Variants in ARHGEF28 observed in about 807,000 individuals in gnomAD.
ARHGEF28 encodes Rho guanine nucleotide exchange factor 28.
Under a neutral mutation model 206.6 loss-of-function variants are expected in ARHGEF28, and 152 were observed. The observed-to-expected ratio is 0.74, with a 90% CI of 0.64 to 0.84. The LOEUF is 0.84. ARHGEF28 is among the 40% of genes least tolerant of loss of function. The probability of loss-of-function intolerance (pLI) is 0.00; values close to 1 mark genes in which losing one functional copy is unlikely to be tolerated. For missense variants in ARHGEF28, 2,028 were observed against 2,073.2 expected (o/e 0.98, Z 0.42); for synonymous variants, 763 against 776.4 (o/e 0.98, Z 0.29).
intron 2 of ARHGEF28, among the ~76,000 whole-genome samples, chr5:73,745,074 T>C (rs1751649227): frequency 6.6e-6 from 1 of 152,076 alleles, no homozygotes; most frequent in Admixed American, 6.5e-5. Flanking sequence ...TTTTTCTAAT[T>C]GTCATAATTT....
chr5:73,682,635 C>T (rs1040997406), intron 1 of ARHGEF28, among the ~76,000 whole-genome samples: 1 of 152,200 alleles, frequency 6.6e-6, no homozygotes, highest in Non-Finnish European at 1.5e-5. Context: ...TGGTCTTGAA[C>T]TCCTGACCTG....
intron 11 of ARHGEF28, among the ~76,000 whole-genome samples, chr5:73,843,059 A>G (rs900441435): frequency 1.3e-4 from 20 of 152,160 alleles, no homozygotes; most frequent in African/African-American, 4.8e-4. Context: ...AGTTCTTTAG[A>G]AGTCTTCTAG....
chr5:73,705,127 A>G lies in ARHGEF28; in HGVS notation c.33+20243A>G, dbSNP rs1748857218. ...ACTTGTGTCCTGTGATCTCTTTTCT[A>G]TAGGTGGCAATTAACCCCTTGATTT... is the stretch of plus-strand genomic sequence containing the variant. On this transcript the variant is annotated intron_variant, in intron 2 of 35. Transcript: ENST00000513042. 2.0e-5 allele frequency among the ~76,000 whole-genome samples: 3 copies of G among 152,230 alleles called. No individual in the cohort carries two copies. In the South Asian group the frequency reaches 6.2e-4, roughly 31 times the overall value.
At chr5:73,830,950 C>T (rs977961177) in intron 9 of ARHGEF28, among the ~76,000 whole-genome samples, 2 of 152,048 alleles carry the variant, frequency 1.3e-5, no homozygotes, top group African/African-American at 4.8e-5. Flanking sequence ...AGAAAATTTA[C>T]GGGGATGTTA....
At chr5:73,818,496 T>C (rs962483069) in intron 9 of ARHGEF28, among the ~76,000 whole-genome samples, 1 of 152,154 alleles carries the variant, frequency 6.6e-6, no homozygotes, top group African/African-American at 2.4e-5. Flanking sequence ...CTGAATACCA[T>C]AGGATGAGTA....
At chr5:73,821,880 T>C (rs1756611684) in intron 9 of ARHGEF28, among the ~76,000 whole-genome samples, 1 of 152,106 alleles carries the variant, frequency 6.6e-6, no homozygotes, top group Non-Finnish European at 1.5e-5. Context: ...TCAAGAGTCC[T>C]TTTTCCAAAC....
intron 2 of ARHGEF28, among the ~76,000 whole-genome samples, chr5:73,729,943 T>C (rs1332874132): frequency 2.0e-5 from 3 of 152,216 alleles, no homozygotes; most frequent in Non-Finnish European, 1.5e-5. Flanking sequence ...ATTTGTACTA[T>C]CTCACTTTCC....
chr5:73,880,560 G>T (rs112781532), intron 22 of ARHGEF28, among the ~76,000 whole-genome samples: 1 of 152,180 alleles, frequency 6.6e-6, no homozygotes, highest in Admixed American at 6.5e-5. Flanking sequence ...GTTCCTATTC[G>T]GCCATCTTGT....
intron 1 of ARHGEF28, among the ~76,000 whole-genome samples, chr5:73,655,223 T>A (rs1745108990): frequency 6.6e-6 from 1 of 152,230 alleles, no homozygotes; most frequent in South Asian, 2.1e-4. Context: ...GGGTTTGTCA[T>A]GCTCTGAGCT....
intron 2 of ARHGEF28, among the ~76,000 whole-genome samples, chr5:73,748,340 CA>C (rs1323607605): frequency 7.0e-6 from 1 of 142,354 alleles, no homozygotes; most frequent in Non-Finnish European, 1.6e-5. Context: ...AACTGCCAAC[CA>C]GTGATTTTTT....
intron 10 of ARHGEF28, among the ~76,000 whole-genome samples, chr5:73,832,771 C>T (rs1455506464): frequency 1.3e-5 from 2 of 152,162 alleles, no homozygotes; most frequent in Non-Finnish European, 2.9e-5. Flanking sequence ...CCAATGTCTC[C>T]TCTACAGCTT....
intron 35 of ARHGEF28, among the ~76,000 whole-genome samples, chr5:73,938,616 A>G (rs149851616): frequency 6.6e-6 from 1 of 152,248 alleles, no homozygotes; most frequent in East Asian, 1.9e-4. Context: ...CTCGATGGAA[A>G]TTTGGGGGCA....
chr5:73,670,661 G>A lies in ARHGEF28; in HGVS notation c.-11-14180G>A, dbSNP rs773349774. Among the ~76,000 whole-genome samples the A allele has an allele frequency of 6.9e-4, 105 of 152,258 alleles. 1 individual carries two copies. Among genetic ancestry groups the A allele is most frequent in the African/African-American group, 1.6e-3 (65 of 41,534 alleles). On this transcript the variant is annotated intron_variant, in intron 1 of 35. Coordinates refer to ENST00000513042, the MANE Select transcript of ARHGEF28 (RefSeq NM_001177693.2). The stretch of plus-strand genomic sequence containing the variant: ...ATATCTGCTATAGCATTTGGTGATG[G>A]CACTTTTTTTGTGTGTTAGCCATTT...
At chr5:73,839,630 G>A (rs1360072790) in intron 10 of ARHGEF28, among the ~76,000 whole-genome samples, 1 of 150,906 alleles carries the variant, frequency 6.6e-6, no homozygotes, top group South Asian at 2.1e-4. Context: ...TAAGTCTTAG[G>A]CCCTCCAGAA....
chr5:73,866,083 A>T, intron 18 of ARHGEF28, 70 bp downstream of exon 18: 2 of 1,220,254 alleles, frequency 1.6e-6, no homozygotes, highest in Non-Finnish European at 2.3e-6. Context: ...CCATTATAAA[A>T]ATATCTCCTT....
intron 2 of ARHGEF28, among the ~76,000 whole-genome samples, chr5:73,748,652 G>A (rs764061536): frequency 3.3e-5 from 5 of 152,052 alleles, no homozygotes; most frequent in Non-Finnish European, 5.9e-5. Flanking sequence ...ATATCTTGGC[G>A]AGCAGGTTTG....
chr5:73,848,557 C>A lies in ARHGEF28; in HGVS notation c.1636-419C>A, dbSNP rs539910576. On this transcript the variant is annotated intron_variant, in intron 12 of 35. Transcript: ENST00000513042. ...TAATTGTAAGTGGCTATTCCACTAT[C>A]CTCTAGTAATCCTTAAATATAGAAA... Among the ~76,000 whole-genome samples the A allele has an allele frequency of 1.3e-5, 2 of 152,242 alleles. 1 individual carries two copies. The highest frequency in any genetic ancestry group is 4.8e-5 in the African/African-American group (2 of 41,570).
chr5:73,832,372 G>A lies in ARHGEF28; in HGVS notation c.1059G>A (p.Pro353=), dbSNP rs745869276. The A allele has an allele frequency of 3.5e-5, 56 of 1,612,338 alleles. No individual in the cohort carries two copies. Among genetic ancestry groups the A allele is most frequent in the Middle Eastern group, 1.6e-4 (1 of 6,084 alleles). The change falls in exon 10 of 36, where the codon CCG becomes CCA. Residue 353 remains proline (P), a synonymous_variant. Transcript: ENST00000513042. ...RSFDILKKSK[P]PSTLLAAGRL... is the part of the protein sequence containing the mutation. ...TCGATATCCTAAAAAAATCCAAGCC[G>A]CCCTCGACATTGCTTGCTGCAGGCC... is the stretch of plus-strand genomic sequence containing the variant.
chr5:73,717,427 A>G (rs1371260457), intron 2 of ARHGEF28, among the ~76,000 whole-genome samples: 1 of 152,062 alleles, frequency 6.6e-6, no homozygotes, highest in African/African-American at 2.4e-5. Flanking sequence ...CAATCTCCCT[A>G]TTCTCTTCCC....
Sources: gnomAD v4.1 joint callset for allele counts (sites outside exome capture counted in the v4.1 genomes callset) on GRCh38, gnomAD v4.1.1 for gene constraint, MANE v1.5 for transcripts, NCBI Gene and HGNC (gene_info 2026-07-23, HGNC 2026-07-21) for gene names.